UTRN: variants seen among roughly 807,000 people sequenced by gnomAD.
UTRN encodes the protein dystrophin-related protein 1.
A neutral mutation model predicts 463.9 loss-of-function variants in UTRN; 283 were observed. The observed-to-expected ratio is 0.61, with a 90% CI of 0.55 to 0.67. The LOEUF (loss-of-function observed/expected upper bound fraction) is 0.67, where lower values mean the gene tolerates loss of function less well. UTRN is among the 30% of genes least tolerant of loss of function. UTRN has a pLI of 0.00. For synonymous variants in UTRN, 1,442 were observed against 1,431.5 expected (o/e 1.01, Z -0.17); for missense variants, 3,922 against 4,084.3 (o/e 0.96, Z 1.08).
intron 52 of UTRN, among the ~76,000 whole-genome samples, chr6:144,684,523 C>T (rs1782545544): frequency 6.6e-6 from 1 of 152,148 alleles, no homozygotes; most frequent in Non-Finnish European, 1.5e-5. Flanking sequence ...GTTAACATTT[C>T]CTGTCATCTT....
chr6:144,563,708 C>T (rs1800135053), intron 50 of UTRN, among the ~76,000 whole-genome samples: 1 of 152,012 alleles, frequency 6.6e-6, no homozygotes, highest in Admixed American at 6.6e-5. Flanking sequence ...TTTAGTTTTC[C>T]CTTCCAAGCT....
At chr6:144,698,770 C>T (rs920870636) in intron 52 of UTRN, among the ~76,000 whole-genome samples, 2 of 152,236 alleles carry the variant, frequency 1.3e-5, no homozygotes, top group African/African-American at 4.8e-5. Flanking sequence ...TTCTCAAGGG[C>T]CTTTGCTCTT....
intron 74 of UTRN, among the ~76,000 whole-genome samples, chr6:144,847,535 G>A (rs370536741): frequency 6.6e-6 from 1 of 152,100 alleles, no homozygotes; most frequent in Non-Finnish European, 1.5e-5. Flanking sequence ...GTAAATCTGC[G>A]TTTTATATAA....
intron 12 of UTRN, 151 bp from the exon 13 acceptor site, chr6:144,440,201 T>TGTAA: frequency 1.3e-6 from 1 of 754,794 alleles, no homozygotes; most frequent in Non-Finnish European, 2.2e-6. Flanking sequence ...ATAATAGGAT[T>TGTAA]AGTTTCATTA....
intron 50 of UTRN, among the ~76,000 whole-genome samples, chr6:144,562,857 C>A (rs1800059328): frequency 1.3e-5 from 2 of 152,158 alleles, no homozygotes; most frequent in African/African-American, 4.8e-5. Context: ...ACAGCCTCAC[C>A]AGCATCTGTT....
intron 2 of UTRN, among the ~76,000 whole-genome samples, chr6:144,352,830 G>A (rs1321465111): frequency 6.6e-6 from 1 of 152,096 alleles, no homozygotes. Context: ...ATATTTGCCT[G>A]GTGTTTTATA....
Position 144,836,001 on chromosome 6 carries a change from C to T in UTRN, c.9824+63C>T, listed in dbSNP as rs944140145. On this transcript the variant is annotated intron_variant, in intron 70 of 74. Coordinates refer to ENST00000367545, the MANE Select transcript of UTRN (RefSeq NM_007124.3). ...TCTTTTGTATGAATTTCACTGTAGC[C>T]CCCATTTATTCTCTTTTTCAAGACT... The T allele has an allele frequency of 4.4e-6, 7 of 1,574,738 alleles. No individual in the cohort carries two copies. In the African/African-American group the frequency reaches 6.9e-5, roughly 16 times the overall value.
At chr6:144,472,417 A>T (rs1790755778) in intron 23 of UTRN, among the ~76,000 whole-genome samples, 1 of 152,108 alleles carries the variant, frequency 6.6e-6, no homozygotes. Flanking sequence ...AATGCTCACA[A>T]ATGAACATTC....
At chr6:144,711,088 C>T (rs554216444) in intron 53 of UTRN, among the ~76,000 whole-genome samples, 87 of 152,252 alleles carry the variant, frequency 5.7e-4, no homozygotes, top group African/African-American at 1.9e-3. Context: ...GAAGCCGAGG[C>T]GGGTGGATCA....
rs116512152 is a variant in UTRN, at chr6:144,460,657, C to T, written c.2708-540C>T. On this transcript the variant is annotated intron_variant, in intron 21 of 74. Transcript: ENST00000367545. ...TGCTTCAAGAGAACTCACTTCCTTT[C>T]CACGCAAGTGTTACTTCTGTGATAT... Among the ~76,000 whole-genome samples the T allele has an allele frequency of 1.8e-3, 273 of 152,322 alleles. 2 individuals are homozygous for T. Among genetic ancestry groups the T allele is most frequent in the African/African-American group, 6.4e-3 (266 of 41,572 alleles).
chr6:144,323,720 T>C (rs887832305), intron 2 of UTRN, among the ~76,000 whole-genome samples: 22 of 152,332 alleles, frequency 1.4e-4, no homozygotes, highest in African/African-American at 4.8e-4. Context: ...TATCACGATA[T>C]GGGCAAAATA....
chr6:144,430,156 T>C (rs988224145), intron 9 of UTRN, among the ~76,000 whole-genome samples: 2 of 152,168 alleles, frequency 1.3e-5, no homozygotes, highest in East Asian at 1.9e-4. Flanking sequence ...TTTTTTCCAT[T>C]ATATATCTCA....
intron 74 of UTRN, among the ~76,000 whole-genome samples, chr6:144,849,051 G>T (rs972111879): frequency 3.6e-4 from 55 of 152,178 alleles, no homozygotes; most frequent in African/African-American, 1.3e-3. Context: ...GAGGGAAGCT[G>T]TGTCTTCAGG....
intron 51 of UTRN, among the ~76,000 whole-genome samples, chr6:144,607,566 A>T (rs1442535441): frequency 1.3e-5 from 2 of 152,180 alleles, no homozygotes; most frequent in Admixed American, 6.5e-5. Context: ...CATAGGTTTC[A>T]CTGGGTAAAG....
At chr6:144,482,415 T>C (rs1221251356) in intron 27 of UTRN, 27 bp downstream of exon 27, 1 of 1,090,272 alleles carries the variant, frequency 9.2e-7, no homozygotes, top group Non-Finnish European at 1.2e-6. Context: ...ATTGTTGTTA[T>C]TATTATTATT....
chr6:144,783,464 T>C (rs911844944), intron 61 of UTRN, among the ~76,000 whole-genome samples: 4 of 152,182 alleles, frequency 2.6e-5, no homozygotes, highest in African/African-American at 7.2e-5. Flanking sequence ...GTAATAACTG[T>C]ACATATTTAT....
Position 144,557,169 on chromosome 6 carries a change from G to A in UTRN, c.7147G>A (p.Glu2383Lys), listed in dbSNP as rs773946987. 4 of 1,613,672 alleles carry A rather than the reference G, an allele frequency of 2.5e-6. No individual in the cohort carries two copies. The Admixed American group carries it at 5.0e-5, about 20-fold the overall frequency. The change falls in exon 50 of 75, where the codon GAA becomes AAA. Residue 2383 changes from glutamate (E) to lysine (K), a missense_variant. Physicochemically the swap from Glu to Lys is moderately conservative, Grantham distance 56. Coordinates refer to ENST00000367545, the MANE Select transcript of UTRN (RefSeq NM_007124.3). The part of the protein sequence containing the change: ...QISDNQILLQ[E>K]LGPGDGIVMA... ...ACTTGCACCTCAGATACTGCTTCAAGAACTGGGTCCTGGAGATGGTATCGT... is the reference window on the plus strand; with the variant it reads ...ACTTGCACCTCAGATACTGCTTCAAAAACTGGGTCCTGGAGATGGTATCGT...
At chr6:144,530,363 G>T (rs1796933962) in intron 41 of UTRN, among the ~76,000 whole-genome samples, 1 of 152,120 alleles carries the variant, frequency 6.6e-6, no homozygotes, top group Non-Finnish European at 1.5e-5. Context: ...CCACACTTAT[G>T]ACCTCATTTA....
chr6:144,290,445 C>T (rs2502639), intron 1 of UTRN, among the ~76,000 whole-genome samples: 5 of 152,118 alleles, frequency 3.3e-5, no homozygotes, highest in Non-Finnish European at 7.3e-5. Context: ...TTTGTCTGCT[C>T]ATGAGAAGAT....
Sources: gnomAD v4.1 joint callset for allele counts (sites outside exome capture counted in the v4.1 genomes callset) on GRCh38, gnomAD v4.1.1 for gene constraint, MANE v1.5 for transcripts, NCBI Gene and HGNC (gene_info 2026-07-23, HGNC 2026-07-21) for gene names.